Variants in HTT observed in about 807,000 individuals in gnomAD.
HTT encodes the protein huntington disease protein.
In HTT, 104 loss-of-function variants were observed where a neutral mutation model predicts 362.3. The ratio of observed to expected loss-of-function variants is 0.29; its 90% CI spans 0.24 to 0.34. The LOEUF is 0.34. HTT is among the 10% of genes least tolerant of loss of function. The pLI, the probability that HTT is intolerant of heterozygous loss-of-function variation, is 1.00. For missense variants in HTT, 3,301 were observed against 3,928.6 expected, an observed-to-expected ratio of 0.84 and a Z score of 4.27; for synonymous variants, 1,577 against 1,548.7, an observed-to-expected ratio of 1.02 and a Z score of -0.43.
rs547190942 is a variant in HTT, at chr4:3,235,852, G to A, written c.8785+74G>A. ...GGAGGCAGGAGCATGCTCACTCAAG[G>A]GACCTCGACTAGGTGCCCTCTGATT... On this transcript the variant is annotated intron_variant, in intron 63 of 66. Transcript: ENST00000355072. The A allele has an allele frequency of 9.9e-5, 116 of 1,168,432 alleles. No homozygotes were observed. The African/African-American group carries it at 1.3e-3, about 13-fold the overall frequency. 72.4% of individuals were successfully genotyped at this position (1,168,432 alleles called of 1,614,324 possible). A position where few individuals can be genotyped will look rare whatever the true frequency, so the allele number is the denominator to read the frequency against.
At chr4:3,217,291 C>G (rs1720457064) in intron 51 of HTT, among the ~76,000 whole-genome samples, 1 of 152,186 alleles carries the variant, frequency 6.6e-6, no homozygotes, top group Non-Finnish European at 1.5e-5. Context: ...TCCATGCCCA[C>G]CAGAACCATG....
chr4:3,128,822 C>T (rs976521325), intron 12 of HTT: 1 of 152,116 alleles, frequency 6.6e-6, no homozygotes. Context: ...GTATACAGTT[C>T]GCTGGTATTA....
chr4:3,226,088 C>G (rs1720897188), intron 57 of HTT, among the ~76,000 whole-genome samples: 1 of 152,046 alleles, frequency 6.6e-6, no homozygotes, highest in African/African-American at 2.4e-5. Context: ...AGAGTGGAGT[C>G]AGCTGAAATG....
Position 3,218,134 on chromosome 4 carries a change from C to T in HTT, c.7242+182C>T, listed in dbSNP as rs545664483. Among the ~76,000 whole-genome samples the T allele has an allele frequency of 1.3e-5, 2 of 152,188 alleles. No homozygotes were observed. Among genetic ancestry groups the T allele is most frequent in the Non-Finnish European group, 2.9e-5 (2 of 68,026 alleles). On this transcript the variant is annotated intron_variant, in intron 52 of 66. Transcript: ENST00000355072. The surrounding 1 kb of genome is among the most constrained non-coding windows in gnomAD (Gnocchi z 4.4). ...TTCCTCAGGCACCACGTGTGGAGGTCGCTAGTAGAAATACTGGGTTTTCTA... is the reference window on the plus strand; with the variant it reads ...TTCCTCAGGCACCACGTGTGGAGGTTGCTAGTAGAAATACTGGGTTTTCTA...
intron 7 of HTT, 126 bp from the exon 8 acceptor site, chr4:3,115,959 C>A: frequency 1.2e-6 from 1 of 854,448 alleles, no homozygotes; most frequent in Non-Finnish European, 1.9e-6. Context: ...GGCCTCATGG[C>A]GTACTCGTTC....
At chr4:3,152,381 A>C (rs1453119741) in intron 26 of HTT, among the ~76,000 whole-genome samples, 1 of 152,126 alleles carries the variant, frequency 6.6e-6, no homozygotes, top group Non-Finnish European at 1.5e-5. Context: ...TACAGGCGTG[A>C]GCTACCGCTC....
At position 3,127,279 on chromosome 4, in the gene HTT, A is replaced by G; in HGVS notation, c.1418A>G (p.Glu473Gly). The G allele has an allele frequency of 6.2e-7, 1 of 1,612,350 alleles. No homozygotes were observed. Among genetic ancestry groups the G allele is most frequent in the Non-Finnish European group, 8.5e-7 (1 of 1,178,418 alleles). The change falls in exon 12 of 67, where the codon GAG becomes GGG. Residue 473 changes from glutamate (E) to glycine (G), a missense_variant. Transcript: ENST00000355072. ...SSALTASVKD[E>G]ISGELAASSG... is the part of the protein sequence containing the mutation. The stretch of plus-strand genomic sequence containing the variant: ...CTGTCTTCAGCCTCAGTGAAGGATG[A>G]GATCAGTGGAGAGCTGGCTGCTTCT...
Position 3,116,106 on chromosome 4 carries a change from A to G in HTT, c.911A>G (p.Asp304Gly), listed in dbSNP as rs766455633. 6 of 1,612,106 alleles carry G rather than the reference A, an allele frequency of 3.7e-6. No individual in the cohort carries two copies. Among genetic ancestry groups the G allele is most frequent in the Non-Finnish European group, 5.1e-6 (6 of 1,179,186 alleles). The change falls in exon 8 of 67, where the codon GAT (aspartate) becomes GGT (glycine). Residue 304 changes from aspartate to glycine, a missense_variant. Asp to Gly is a moderately conservative substitution (Grantham distance 94, BLOSUM62 -1). Transcript: ENST00000355072. ...VLLGLLVPVE[D>G]EHSTLLILGV... ...ACAGGCTTACTCGTTCCTGTCGAGG[A>G]TGAACACTCCACTCTGCTGATTCTT...
chr4:3,223,440 C>G lies in HTT; in HGVS notation c.7505C>G (p.Ala2502Gly). 1 of 1,606,652 alleles carries G rather than the reference C, an allele frequency of 6.2e-7. No homozygotes were observed. Among genetic ancestry groups the G allele is most frequent in the Non-Finnish European group, 8.5e-7 (1 of 1,176,402 alleles). Residue 2502 changes from alanine (A) to glycine (G), a missense_variant, in exon 55 of 67, where the codon GCC becomes GGC. Ala to Gly is a moderately conservative substitution (Grantham distance 60, BLOSUM62 0). Coordinates refer to ENST00000355072, the MANE Select transcript of HTT (RefSeq NM_001388492.1). ...DTERTQINVL[A>G]VQAITSLVLS... ...GAGAGGACCCAGATCAACGTCCTGG[C>G]CGTGCAGGCCATCACCTCACTGGTG...
intron 23 of HTT, among the ~76,000 whole-genome samples, chr4:3,143,233 C>T (rs575353206): frequency 1.3e-5 from 2 of 151,912 alleles, no homozygotes; most frequent in Admixed American, 6.6e-5. Context: ...GGTCAGGAGT[C>T]GGATACCAGC....
intron 12 of HTT, chr4:3,129,680 C>T (rs1222856308): frequency 5.4e-6 from 2 of 367,506 alleles, no homozygotes; most frequent in Non-Finnish European, 9.7e-6. Flanking sequence ...GAAATGTCCA[C>T]ATTGGAATTT....
chr4:3,197,688 C>T (rs570424407), intron 40 of HTT, among the ~76,000 whole-genome samples: 1 of 152,292 alleles, frequency 6.6e-6, no homozygotes, highest in South Asian at 2.1e-4. Flanking sequence ...CCTAAGGAAG[C>T]TGAGGCCCCA....
At chr4:3,119,560 A>C (rs1210773127) in intron 8 of HTT, among the ~76,000 whole-genome samples, 2 of 152,222 alleles carry the variant, frequency 1.3e-5, no homozygotes, top group Non-Finnish European at 2.9e-5. Context: ...TTATGCAGTG[A>C]ATAACATTTA....
intron 22 of HTT, among the ~76,000 whole-genome samples, chr4:3,142,496 A>G (rs1159528122): frequency 1.3e-5 from 2 of 152,198 alleles, no homozygotes; most frequent in African/African-American, 4.8e-5. Context: ...TTCATGAAGC[A>G]TGTATTTCAA....
At chr4:3,224,881 G>A (rs1373822796) in intron 56 of HTT, among the ~76,000 whole-genome samples, 6 of 152,216 alleles carry the variant, frequency 3.9e-5, no homozygotes, top group Non-Finnish European at 7.3e-5. Flanking sequence ...CAGCCTTCAA[G>A]GAGCTCATAA....
At chr4:3,237,180 TC>T (rs1721578603) in intron 64 of HTT, among the ~76,000 whole-genome samples, 1 of 152,040 alleles carries the variant, frequency 6.6e-6, no homozygotes, top group Non-Finnish European at 1.5e-5. Context: ...TTCAAGTGAT[TC>T]TCCTGCCTCA....
chr4:3,120,501 C>A (rs1422435446), intron 8 of HTT, among the ~76,000 whole-genome samples: 1 of 152,182 alleles, frequency 6.6e-6, no homozygotes, highest in Non-Finnish European at 1.5e-5. Flanking sequence ...TGGTCCATGG[C>A]CTGTTAGGAA....
intron 3 of HTT, among the ~76,000 whole-genome samples, chr4:3,101,825 G>A (rs190391341): frequency 1.3e-5 from 2 of 152,290 alleles, no homozygotes; most frequent in African/African-American, 2.4e-5. Flanking sequence ...CACCACCACC[G>A]TCAAGAGGCT....
At chr4:3,078,294 G>A (rs1712672989) in intron 1 of HTT, among the ~76,000 whole-genome samples, 1 of 152,224 alleles carries the variant, frequency 6.6e-6, no homozygotes, top group South Asian at 2.1e-4. Context: ...GCAGGGCTCA[G>A]CAGTGAGCAG....
Sources: gnomAD v4.1 joint callset for allele counts (sites outside exome capture counted in the v4.1 genomes callset) on GRCh38, gnomAD v4.1.1 for gene constraint, Gnocchi (gnomAD v3.1) non-coding constraint, MANE v1.5 for transcripts, NCBI Gene and HGNC (gene_info 2026-07-23, HGNC 2026-07-21) for gene names.